PER3: variants seen among roughly 807,000 people sequenced by gnomAD.
PER3 encodes period circadian regulator 3, also known as period circadian protein homolog 3.
In PER3, 107 loss-of-function variants were observed where a neutral mutation model predicts 127.2. That is an observed-to-expected ratio of 0.84 (90% confidence interval 0.72 to 0.99). PER3 has a LOEUF of 0.99. Among genes scored for constraint, PER3 ranks in the 50% least tolerant of loss-of-function variants. PER3 has a pLI of 0.00. For synonymous variants in PER3, 618 were observed against 585.8 expected, an observed-to-expected ratio of 1.05 and a Z score of -0.79; for missense variants, 1,560 against 1,525.8, an observed-to-expected ratio of 1.02 and a Z score of -0.37.
rs1229415563 is a variant in PER3 at position 7,803,155 on chromosome 1, T to TC, written c.979+3dup. 1.3e-6 allele frequency: 2 copies of TC among 1,537,242 alleles called. No homozygotes were observed. The highest frequency in any genetic ancestry group is 1.8e-6 in the Non-Finnish European group (2 of 1,110,008). On this transcript the variant is annotated splice_region_variant and intron_variant, in intron 9 of 21. Coordinates refer to ENST00000377532, the MANE Select transcript of PER3 (RefSeq NM_001377275.1). ...TGATGGTTGCCATACACCAAAAAGG[T>TC]CAGGACCTACTCCTTTATAGGAGGA...
At chr1:7,806,836 T>TA (rs1401946539) in intron 10 of PER3, among the ~76,000 whole-genome samples, 1,401 of 130,882 alleles carry the variant, frequency 0.011, 27 homozygotes, top group East Asian at 0.081. Context: ...TATATATATA[T>TA]TACATACACA....
Position 7,827,457 on chromosome 1 carries a change from C to T in PER3, c.2528C>T (p.Pro843Leu), listed in dbSNP as rs771024989. The T allele has an allele frequency of 3.4e-5, 55 of 1,614,098 alleles. No homozygotes were observed. The highest frequency in any genetic ancestry group is 7.7e-5 in the South Asian group (7 of 91,094). ...CTGCCCTTGTCCGAGGGCTTGCAGC[C>T]TTACCCAGCTTTCCCTTTTCCTTAC... is the stretch of plus-strand genomic sequence containing the variant. ...HGLPLSEGLQ[P>L]YPAFPFPYLD... The change falls in exon 18 of 22, where the codon CCT becomes CTT. Residue 843 changes from proline (P) to leucine (L), a missense_variant. Physicochemically the swap from Pro to Leu is moderately conservative, Grantham distance 98 (BLOSUM62 -3). Around this residue, in one of 3 missense-constraint regions of PER3, gnomAD observed 1,332 missense variants for 1,223.6 expected, o/e 1.09. Coordinates refer to ENST00000377532, the MANE Select transcript of PER3 (RefSeq NM_001377275.1).
intron 5 of PER3, among the ~76,000 whole-genome samples, chr1:7,789,233 T>G (rs2097107586): frequency 6.6e-6 from 1 of 151,956 alleles, no homozygotes; most frequent in South Asian, 2.1e-4. Flanking sequence ...CACATACAGT[T>G]TACTATCTGA....
In PER3 at chr1:7,827,420, G is replaced by A. The variant is rs765869970; in HGVS notation, c.2491G>A (p.Gly831Ser). 26 of 1,614,054 alleles carry A rather than the reference G, an allele frequency of 1.6e-5. No homozygotes were observed. In the East Asian group the frequency reaches 5.3e-4, roughly 33 times the overall value. Residue 831 changes from glycine to serine, a missense_variant, in exon 18 of 22, where the codon GGC (glycine) becomes AGC (serine). This residue lies in a region of PER3 where 1,332 missense variants were observed against 1,223.6 expected (regional missense o/e 1.09). Transcript: ENST00000377532. ...EYAAPGTAPE[G>S]LHGLPLSEGL... is the part of the protein sequence containing the mutation. ...CGCAGCCCCCGGAACTGCACCGGAA[G>A]GCCTGCATGGGCTGCCCTTGTCCGA...
Position 7,820,499 on chromosome 1 carries a change from G to T in PER3, c.1816G>T (p.Glu606Ter). The change falls in exon 16 of 22, where the codon GAA (glutamate) becomes TAA (stop). Residue 606 changes from glutamate to a stop codon, truncating the protein, a stop_gained. Transcript: ENST00000377532. LOFTEE classifies it high-confidence loss of function. ...GLQIPAIPKS[E>*]MPTNGRSIDT... ...GCAAATCCCAGCCATACCTAAATCA[G>T]AAATGCCAACAAATGGACGGTCCAT... is the stretch of plus-strand genomic sequence containing the variant. 1 of 1,613,488 alleles carries T rather than the reference G, an allele frequency of 6.2e-7. No individual in the cohort carries two copies. Among genetic ancestry groups the T allele is most frequent in the Non-Finnish European group, 8.5e-7 (1 of 1,179,822 alleles).
chr1:7,820,240 G>GT lies in PER3; in HGVS notation c.1783+2dup. The GT allele has an allele frequency of 6.2e-7, 1 of 1,610,504 alleles. No individual in the cohort carries two copies. Among genetic ancestry groups the GT allele is most frequent in the Non-Finnish European group, 8.5e-7 (1 of 1,178,928 alleles). On this transcript the variant is annotated splice_donor_variant, in intron 15 of 21. Coordinates refer to ENST00000377532, the MANE Select transcript of PER3 (RefSeq NM_001377275.1). LOFTEE classifies it high-confidence loss of function. Reference sequence around the variant, plus strand: ...GCAGATGATGTCCAAGCCTTACAAGGTAACAAGAATGCCCCTCAGAGTTAA... The same window carrying GT: ...GCAGATGATGTCCAAGCCTTACAAGGTTAACAAGAATGCCCCTCAGAGTTAA...
chr1:7,820,405 T>G, intron 15 of PER3, 62 bp from the exon 16 acceptor site: 2 of 1,516,514 alleles, frequency 1.3e-6, no homozygotes, highest in Non-Finnish European at 1.8e-6. Flanking sequence ...AAACTGGGTC[T>G]TTTATGTAAA....
chr1:7,814,824 TC>T (rs1278002747), intron 13 of PER3, among the ~76,000 whole-genome samples: 1 of 152,232 alleles, frequency 6.6e-6, no homozygotes, highest in Non-Finnish European at 1.5e-5. Context: ...TACTATTAGT[TC>T]CTTATACTGT....
At chr1:7,787,367 C>G (rs776518930) in intron 4 of PER3, 14 of 295,082 alleles carry the variant, frequency 4.7e-5, no homozygotes, top group Non-Finnish European at 9.4e-5. Flanking sequence ...GTGGAGATTA[C>G]TTATTTTAAG....
At position 7,798,520 on chromosome 1, in the gene PER3, C is replaced by T. The variant is rs974091505; in HGVS notation, c.645-5C>T. The T allele has an allele frequency of 1.2e-5, 19 of 1,612,614 alleles. No individual in the cohort carries two copies. The African/African-American group carries it at 1.7e-4, about 15-fold the overall frequency. ...GACCAGCACTAATATCTTTAATCTC[C>T]TCAGTGGAGGTGAAGACAGAAAGCA... On this transcript the variant is annotated splice_region_variant and splice_polypyrimidine_tract_variant and intron_variant, in intron 6 of 21. Coordinates refer to ENST00000377532, the MANE Select transcript of PER3 (RefSeq NM_001377275.1).
At chr1:7,823,947 C>A (rs1484348022) in intron 16 of PER3, among the ~76,000 whole-genome samples, 1 of 152,156 alleles carries the variant, frequency 6.6e-6, no homozygotes. Flanking sequence ...GAACTGTGTT[C>A]TCTGGCTAGT....
In PER3 at chr1:7,843,248, A is replaced by AT. The variant is rs2151359533; in HGVS notation, c.*495dup. The AT allele has an allele frequency of 6.5e-6, 1 of 153,124 alleles. No individual in the cohort carries two copies. The highest frequency in any genetic ancestry group is 6.5e-5 in the Admixed American group (1 of 15,326). 9.5% of individuals were successfully genotyped at this position (153,124 alleles called of 1,614,324 possible). On this transcript the variant is annotated 3_prime_UTR_variant, in exon 22 of 22. Transcript: ENST00000377532. ...ATTCAACCTGGCGTTCCCCTCCATA[A>AT]TTAAGATGAAACATTCCGGTTTTCT... is the stretch of plus-strand genomic sequence containing the variant.
chr1:7,827,919 C>A, intron 18 of PER3, 104 bp downstream of exon 18: 1 of 812,206 alleles, frequency 1.2e-6, no homozygotes. Flanking sequence ...GTAGGTAATC[C>A]GCGTGGCTAC....
chr1:7,806,795 T>TAAAAA (rs71567316), intron 10 of PER3, among the ~76,000 whole-genome samples: 5 of 91,898 alleles, frequency 5.4e-5, no homozygotes, highest in Admixed American at 1.7e-4. Context: ...CCCTGTCTCT[T>TAAAAA]AAAAAAAAAA....
intron 21 of PER3, among the ~76,000 whole-genome samples, chr1:7,838,454 GC>G (rs1558487584): frequency 6.6e-6 from 1 of 151,722 alleles, no homozygotes; most frequent in Non-Finnish European, 1.5e-5. Flanking sequence ...TCTTGCCCAC[GC>G]TGGAGTGCAG....
chr1:7,827,717 A>T lies in PER3; in HGVS notation c.2788A>T (p.Ser930Cys). The change falls in exon 18 of 22, where the codon AGC (serine) becomes TGC (cysteine). Residue 930 changes from serine (S) to cysteine (C), a missense_variant. Coordinates refer to ENST00000377532, the MANE Select transcript of PER3 (RefSeq NM_001377275.1). ...EGHPFITSRS[S>C]SPLQLNLLQE... The stretch of plus-strand genomic sequence containing the variant: ...GCACCCGTTCATTACTTCGAGAAGC[A>T]GCTCACCCTTGCAGTTAAACTTACT... 6.2e-7 allele frequency: 1 copy of T among 1,614,176 alleles called. No individual in the cohort carries two copies. The highest frequency in any genetic ancestry group is 8.5e-7 in the Non-Finnish European group (1 of 1,180,022).
rs765957315 is a variant in PER3, at chr1:7,835,898, A to G, written c.3351A>G (p.Ile1117Met). ...NVAEEPIWRM[I>M]RQTPERILMT... ...CCGAAGAGCCCATCTGGAGAATGATACGGCAGACACCTGAGCGCATTCTCA... is the reference window on the plus strand; with the variant it reads ...CCGAAGAGCCCATCTGGAGAATGATGCGGCAGACACCTGAGCGCATTCTCA... Residue 1117 changes from isoleucine (I) to methionine (M), a missense_variant, in exon 20 of 22, where the codon ATA becomes ATG. By Grantham distance (10) the Ile-to-Met change is conservative. Around this residue, in one of 3 missense-constraint regions of PER3, gnomAD observed 199 missense variants for 198.6 expected, o/e 1.00. Transcript: ENST00000377532. 6.2e-7 allele frequency: 1 copy of G among 1,611,886 alleles called. No homozygotes were observed. The highest frequency in any genetic ancestry group is 8.5e-7 in the Non-Finnish European group (1 of 1,178,006).
At chr1:7,815,991 C>CAG (rs2097248488) in intron 13 of PER3, among the ~76,000 whole-genome samples, 1 of 67,680 alleles carries the variant, frequency 1.5e-5, no homozygotes, top group Non-Finnish European at 2.5e-5. Context: ...GACTCCGTCT[C>CAG]AAAAAAAAAA....
rs560649328 is a variant in PER3, at chr1:7,786,847, A to G, written c.390+11A>G. ...ACTTCCAAAAACACAGTAAGAATTC[A>G]TGCATTTTGCCATATCAACCTGGGT... On this transcript the variant is annotated intron_variant, in intron 4 of 21. Transcript: ENST00000377532. 8.0e-6 allele frequency: 12 copies of G among 1,497,654 alleles called. No individual in the cohort carries two copies. The Admixed American group carries it at 1.7e-4, about 21-fold the overall frequency. 92.8% of individuals were successfully genotyped at this position (1,497,654 alleles called of 1,614,324 possible).
Sources: allele counts gnomAD v4.1 joint callset (sites outside exome capture counted in the v4.1 genomes callset), GRCh38; gene constraint gnomAD v4.1.1; regional missense constraint gnomAD v4.1.1; transcripts MANE v1.5; gene names NCBI Gene and HGNC (gene_info 2026-07-23, HGNC 2026-07-21).